SMARCC2: variants seen among roughly 807,000 people sequenced by gnomAD.
SMARCC2 encodes the protein SWI/SNF related BAF chromatin remodeling complex subunit C2.
In SMARCC2, 15 loss-of-function variants were observed where a neutral mutation model predicts 151.3. The observed-to-expected ratio is 0.10, with a 90% confidence interval of 0.07 to 0.15. SMARCC2 has a LOEUF of 0.15. SMARCC2 is among the 10% of genes least tolerant of loss of function. The pLI is 1.00. For synonymous variants in SMARCC2, 590 were observed against 609.5 expected (o/e 0.97, Z 0.47); for missense variants, 1,031 against 1,599.7 (o/e 0.64, Z 6.06).
chr12:56,178,901 CCCTA>C, intron 12 of SMARCC2, 54 bp from the exon 13 acceptor site: 1 of 1,605,640 alleles, frequency 6.2e-7, no homozygotes, highest in South Asian at 1.1e-5. Context: ...GGCAAGAAAG[CCCTA>C]CCAAAAGCCC....
chr12:56,184,114 T>G, intron 6 of SMARCC2, 61 bp downstream of exon 6: 1 of 1,290,106 alleles, frequency 7.8e-7, no homozygotes, highest in Middle Eastern at 2.2e-4. Context: ...ATGGTGATCT[T>G]AGTCCTCTGC....
intron 15 of SMARCC2, 37 bp downstream of exon 15, chr12:56,177,985 G>A: frequency 6.5e-6 from 9 of 1,389,470 alleles, no homozygotes; most frequent in Non-Finnish European, 9.2e-6. Flanking sequence ...GTGGGGACAG[G>A]AGGGAGAAGG....
rs745595139 is a variant in SMARCC2, at chr12:56,164,452, G to A, written c.3512C>T (p.Ala1171Val). Residue 1171 changes from alanine (A) to valine (V), a missense_variant, in exon 28 of 29, where the codon GCG becomes GTG. Coordinates refer to ENST00000550164, the MANE Select transcript of SMARCC2 (RefSeq NM_001330288.2). ...CGGCAGGTTAGGATGTAGAGGGTTC[G>A]CCATGGACACAGGCAGGTTAGGTGG... ...LPPPNLPVSM[A>V]NPLHPNLPAT... 18 of 1,614,010 alleles carry A rather than the reference G, an allele frequency of 1.1e-5. No individual in the cohort carries two copies. The highest frequency in any genetic ancestry group is 3.3e-5 in the Admixed American group (2 of 60,004).
At chr12:56,184,608 A>G in intron 5 of SMARCC2, 2 of 556,570 alleles carry the variant, frequency 3.6e-6, no homozygotes, top group South Asian at 2.2e-5. Flanking sequence ...AGTGGATACT[A>G]TTTTTCCCCA....
chr12:56,166,557 G>C (rs1301064585), intron 26 of SMARCC2, among the ~76,000 whole-genome samples: 1 of 148,992 alleles, frequency 6.7e-6, no homozygotes, highest in Non-Finnish European at 1.5e-5. Flanking sequence ...TAAACCTTAA[G>C]TTCTCTGAGG....
intron 15 of SMARCC2, among the ~76,000 whole-genome samples, chr12:56,175,991 T>TG (rs919183744): frequency 7.2e-5 from 11 of 152,210 alleles, no homozygotes; most frequent in African/African-American, 2.4e-4. Context: ...CCCAAGTAGC[T>TG]GGGATTACAG....
intron 16 of SMARCC2, 54 bp from the exon 17 acceptor site, chr12:56,173,903 A>G: frequency 5.2e-6 from 8 of 1,537,840 alleles, no homozygotes; most frequent in Non-Finnish European, 7.1e-6. Flanking sequence ...AAGGTGCACG[A>G]GGAAGAGGAA....
chr12:56,178,676 TCAGAGTTTTGAACAA>T (rs557870920), intron 13 of SMARCC2, 119 bp downstream of exon 13: 45,654 of 1,477,162 alleles, frequency 0.031, 837 homozygotes, highest in Non-Finnish European at 0.038. Flanking sequence ...TCTGAAAGGG[TCAGAGTTTTGAACAA>T]AGCTGGAATT....
chr12:56,178,145 G>C (rs370888704), intron 14 of SMARCC2, 52 bp from the exon 15 acceptor site: 1 of 1,448,008 alleles, frequency 6.9e-7, no homozygotes, highest in East Asian at 2.3e-5. Flanking sequence ...GAAGGGATGG[G>C]GGCCCCAAAG....
In SMARCC2 at chr12:56,172,604, T is replaced by C. The variant is rs761068612; in HGVS notation, c.1844A>G (p.Lys615Arg). Residue 615 changes from lysine (K) to arginine (R), a missense_variant, in exon 19 of 29, where the codon AAA becomes AGA. Physicochemically the swap from Lys to Arg is conservative, Grantham distance 26. This residue lies in a region of SMARCC2 where 99 missense variants were observed against 148.3 expected (regional missense o/e 0.67). Coordinates refer to ENST00000550164, the MANE Select transcript of SMARCC2 (RefSeq NM_001330288.2). Reference protein sequence around the residue: ...NFGLRTDMYTKKNVPSKSKAA... With the variant: ...NFGLRTDMYTRKNVPSKSKAA... ...TCCTACCTTGGAGGGAACATTCTTT[T>C]TTGTGTACATGTCTGTGCGCAGCCC... is the stretch of plus-strand genomic sequence containing the variant. 2 of 1,614,180 alleles carry C rather than the reference T, an allele frequency of 1.2e-6. No individual in the cohort carries two copies. Among genetic ancestry groups the C allele is most frequent in the South Asian group, 2.2e-5 (2 of 91,084 alleles).
chr12:56,177,977 G>A (rs986020387), intron 15 of SMARCC2, 45 bp downstream of exon 15: 1 of 1,291,272 alleles, frequency 7.7e-7, no homozygotes. Context: ...GGGTGAATGT[G>A]GGGACAGGAG....
Position 56,178,788 on chromosome 12 carries a change from G to A in SMARCC2, c.1179+22C>T. ...AAATCAGAATCACATAGAGAGGTAG[G>A]GCCTCTCTAAACTGGCTCCACCTTG... On this transcript the variant is annotated intron_variant, in intron 13 of 28. Transcript: ENST00000550164. 4 of 1,600,682 alleles carry A rather than the reference G, an allele frequency of 2.5e-6. No homozygotes were observed. The South Asian group carries it at 4.4e-5, about 18-fold the overall frequency.
chr12:56,177,904 G>C, intron 15 of SMARCC2, 118 bp downstream of exon 15: 1 of 723,176 alleles, frequency 1.4e-6, no homozygotes, highest in South Asian at 1.8e-5. Flanking sequence ...GCCTAGCATA[G>C]TGCCTGGCTC....
In SMARCC2 at chr12:56,186,316, C is replaced by T. The variant is rs910018574; in HGVS notation, c.232-76G>A. 41 of 913,346 alleles carry T rather than the reference C, an allele frequency of 4.5e-5. No homozygotes were observed. In the African/African-American group the frequency reaches 6.4e-4, roughly 14 times the overall value. The allele number at this position is 913,346 out of a possible 1,614,324, so 56.6% of individuals were successfully genotyped here. Reference sequence around the variant, plus strand: ...TCTCATCACTTAATAATCTAATAATCCTTTCACAAAATCCCATGCTGAATT... The same window carrying T: ...TCTCATCACTTAATAATCTAATAATTCTTTCACAAAATCCCATGCTGAATT... On this transcript the variant is annotated intron_variant, in intron 2 of 28. Transcript: ENST00000550164.
At chr12:56,170,277 C>CA in intron 22 of SMARCC2, 69 bp from the exon 23 acceptor site, 1 of 651,084 alleles carries the variant, frequency 1.5e-6, no homozygotes, top group Non-Finnish European at 2.2e-6. Flanking sequence ...TAACACTTTT[C>CA]TTTTTTTTTA....
intron 15 of SMARCC2, among the ~76,000 whole-genome samples, chr12:56,177,006 A>T (rs1453210800): frequency 6.6e-6 from 1 of 151,844 alleles, no homozygotes; most frequent in East Asian, 1.9e-4. Context: ...TTTTTAGTAG[A>T]GACGGGGTTT....
intron 14 of SMARCC2, 82 bp from the exon 15 acceptor site, chr12:56,178,175 C>A: frequency 8.4e-7 from 1 of 1,189,194 alleles, no homozygotes; most frequent in South Asian, 1.4e-5. Flanking sequence ...GCCTAGAAGG[C>A]AAAGAAGGAA....
At chr12:56,174,453 C>T (rs1377174752) in intron 16 of SMARCC2, 198 bp downstream of exon 16, 4 of 534,762 alleles carry the variant, frequency 7.5e-6, no homozygotes, top group Non-Finnish European at 1.4e-5. Flanking sequence ...CCTTCTTTGT[C>T]CTATATTCTA....
chr12:56,172,976 A>T lies in SMARCC2; in HGVS notation c.1704T>A (p.Asp568Glu). The T allele has an allele frequency of 6.2e-7, 1 of 1,614,008 alleles. No homozygotes were observed. The highest frequency in any genetic ancestry group is 8.5e-7 in the Non-Finnish European group (1 of 1,180,036). Residue 568 changes from aspartate to glutamate, a missense_variant, in exon 18 of 29, where the codon GAT becomes GAA. Coordinates refer to ENST00000550164, the MANE Select transcript of SMARCC2 (RefSeq NM_001330288.2). ...TKAGRKGKEL[D>E]DLVPETAKGK... is the part of the protein sequence containing the mutation. ...CCTTAGCCGTCTCTGGCACCAGGTCATCCAGCTCTTTGCCCTTTCGCCCAG... is the reference window on the plus strand; with the variant it reads ...CCTTAGCCGTCTCTGGCACCAGGTCTTCCAGCTCTTTGCCCTTTCGCCCAG...
Sources: allele counts gnomAD v4.1 joint callset (sites outside exome capture counted in the v4.1 genomes callset), GRCh38; gene constraint gnomAD v4.1.1; regional missense constraint gnomAD v4.1.1; transcripts MANE v1.5; gene names NCBI Gene and HGNC (gene_info 2026-07-23, HGNC 2026-07-21).